PSTPIP1: variants seen among roughly 807,000 people sequenced by gnomAD.
The protein encoded by PSTPIP1 is proline-serine-threonine phosphatase interacting protein 1, also known as proline-serine-threonine phosphatase-interacting protein 1.
In PSTPIP1, 66 loss-of-function variants were observed where a neutral mutation model predicts 69.6. The ratio of observed to expected loss-of-function variants is 0.95; its 90% CI spans 0.78 to 1.16. The LOEUF is 1.16. Among genes scored for constraint, PSTPIP1 ranks in the 50% most tolerant of loss-of-function variants. PSTPIP1 has a pLI of 0.00. For missense variants in PSTPIP1, 603 were observed against 557.4 expected, an observed-to-expected ratio of 1.08 and a Z score of -0.82; for synonymous variants, 266 against 222.7, an observed-to-expected ratio of 1.19 and a Z score of -1.73.
At chr15:77,011,797 A>G (rs1435576779) in intron 1 of PSTPIP1, among the ~76,000 whole-genome samples, 1 of 152,122 alleles carries the variant, frequency 6.6e-6, no homozygotes, top group African/African-American at 2.4e-5. Flanking sequence ...TACAGACTGT[A>G]GTGATGGGCG....
chr15:77,011,763 C>T (rs995291569), intron 1 of PSTPIP1, among the ~76,000 whole-genome samples: 2 of 152,130 alleles, frequency 1.3e-5, no homozygotes, highest in Admixed American at 6.5e-5. Context: ...AGGCTTGAGT[C>T]CTCTCTGTGG....
At chr15:77,028,381 C>T (rs1350627963) in intron 6 of PSTPIP1, 173 bp from the exon 7 acceptor site, 3 of 569,696 alleles carry the variant, frequency 5.3e-6, no homozygotes, top group African/African-American at 1.9e-5. Context: ...GCAGCCCCCA[C>T]GCCTTCTCTA....
At position 77,037,356 on chromosome 15, in the gene PSTPIP1, T is replaced by C; in HGVS notation, c.*180T>C. ...TCCTTGGTGTGCTGGGGTCCCGTTC[T>C]CTTTTTCTCCTGCTCCAGTGTCCGA... On this transcript the variant is annotated 3_prime_UTR_variant, in exon 15 of 15. Coordinates refer to ENST00000558012, the MANE Select transcript of PSTPIP1 (RefSeq NM_003978.5). 1 of 778,644 alleles carries C rather than the reference T, an allele frequency of 1.3e-6. No homozygotes were observed. The highest frequency in any genetic ancestry group is 1.8e-5 in the African/African-American group (1 of 56,586). The allele number at this position is 778,644 out of a possible 1,614,324, so 48.2% of individuals were successfully genotyped here.
intron 1 of PSTPIP1, among the ~76,000 whole-genome samples, chr15:77,000,736 C>A (rs2075690155): frequency 6.6e-6 from 1 of 152,162 alleles, no homozygotes; most frequent in African/African-American, 2.4e-5. Flanking sequence ...GAGATGAGGT[C>A]TCCCTGTGTT....
chr15:77,025,230 T>TGTA, intron 3 of PSTPIP1, 54 bp from the exon 4 acceptor site: 1 of 1,552,484 alleles, frequency 6.4e-7, no homozygotes, highest in Non-Finnish European at 8.9e-7. Flanking sequence ...CAGCCTGGAC[T>TGTA]GTAGGTTCCC....
chr15:77,028,493 C>A, intron 6 of PSTPIP1, 61 bp from the exon 7 acceptor site: 1 of 1,409,134 alleles, frequency 7.1e-7, no homozygotes, highest in South Asian at 1.3e-5. Flanking sequence ...GGGAGCCTCA[C>A]TCCCGGGGAC....
In PSTPIP1 at chr15:77,037,441, ACT is replaced by A; in HGVS notation, c.*267_*268del. 3 of 356,732 alleles carry A rather than the reference ACT, an allele frequency of 8.4e-6. No individual in the cohort carries two copies. Among genetic ancestry groups the A allele is most frequent in the Non-Finnish European group, 1.6e-5 (3 of 191,058 alleles). 22.1% of individuals were successfully genotyped at this position (356,732 alleles called of 1,614,324 possible). On this transcript the variant is annotated 3_prime_UTR_variant, in exon 15 of 15. Transcript: ENST00000558012. ...AGGAGCCTGGATGTGGAGCTCCCCA[ACT>A]CAGCCGAGGCTTCAGCTATAGTTGG...
chr15:77,012,408 TCTAC>T (rs1568493000), intron 1 of PSTPIP1, among the ~76,000 whole-genome samples: 17 of 104,838 alleles, frequency 1.6e-4, no homozygotes, highest in Non-Finnish European at 7.5e-5. Context: ...CACCCACCCA[TCTAC>T]CCATCCACCC....
rs539635591 is a variant in PSTPIP1 at position 77,015,355 on chromosome 15, T to G, written c.37-2793T>G. Among the ~76,000 whole-genome samples, 9 of 152,264 alleles carry G rather than the reference T, an allele frequency of 5.9e-5. No individual in the cohort carries two copies. In the East Asian group the frequency reaches 1.7e-3, roughly 29 times the overall value. On this transcript the variant is annotated intron_variant, in intron 1 of 14. Transcript: ENST00000558012. ...AGTGGCTTTGGGCAGTCTCTTTCCC[T>G]GTTTGGGCCTCCTGTCCCCATCTTC...
At chr15:77,028,269 G>A in intron 6 of PSTPIP1, 1 of 498,254 alleles carries the variant, frequency 2.0e-6, no homozygotes, top group Admixed American at 3.6e-5. Flanking sequence ...GGCGAGGGGC[G>A]TGGCGAGGGG....
upstream of PSTPIP1, chr15:76,994,766 G>C (rs552273004): frequency 5.4e-6 from 7 of 1,289,104 alleles, no homozygotes; most frequent in East Asian, 3.9e-4. Context: ...GACCTGGTTT[G>C]GGTCCCAGAG....
Position 77,027,046 on chromosome 15 carries a change from GTGCCTACGCTCCCC to G in PSTPIP1, c.355-802_355-789del, listed in dbSNP as rs1358841861. Among the ~76,000 whole-genome samples the G allele has an allele frequency of 1.3e-5, 2 of 152,228 alleles. No individual in the cohort carries two copies. Among genetic ancestry groups the G allele is most frequent in the Non-Finnish European group, 2.9e-5 (2 of 68,032 alleles). ...CATGTGCTTACAGGATGGTGCACAC[GTGCCTACGCTCCCC>G]TGCATATGCCTGTGAGCATGTGTCC... On this transcript the variant is annotated intron_variant, in intron 5 of 14. Transcript: ENST00000558012. The surrounding 1 kb of genome is among the most constrained non-coding windows in gnomAD (Gnocchi z 4.3).
rs2076594847 is a variant in PSTPIP1, at chr15:77,037,026, C to T, written c.1120-19C>T. On this transcript the variant is annotated intron_variant, in intron 14 of 14. Transcript: ENST00000558012. ...CTGCAGGCCCTTCCAACGTCATGCG[C>T]TTTCAATCTCTTGGCCAGAACCCAG... The T allele has an allele frequency of 2.5e-6, 4 of 1,610,812 alleles. No individual in the cohort carries two copies. The highest frequency in any genetic ancestry group is 3.4e-6 in the Non-Finnish European group (4 of 1,178,838).
intron 7 of PSTPIP1, among the ~76,000 whole-genome samples, chr15:77,029,116 G>C (rs1245021313): frequency 6.6e-6 from 1 of 152,230 alleles, no homozygotes; most frequent in African/African-American, 2.4e-5. Context: ...CCAGAGTGGG[G>C]GTATCAGAGC....
chr15:77,014,002 G>A (rs993299898), intron 1 of PSTPIP1, among the ~76,000 whole-genome samples: 2 of 152,184 alleles, frequency 1.3e-5, no homozygotes, highest in Non-Finnish European at 2.9e-5. Context: ...TCTGGTCGGG[G>A]AGGTGGCAGG....
At chr15:77,035,441 C>A (rs2076536260) in intron 12 of PSTPIP1, 67 bp from the exon 13 acceptor site, 1 of 1,493,954 alleles carries the variant, frequency 6.7e-7, no homozygotes, top group Non-Finnish European at 9.1e-7. Context: ...CCTGTCTAAA[C>A]CCTCCCTCCT....
At chr15:77,001,334 C>A (rs1259422545) in intron 1 of PSTPIP1, among the ~76,000 whole-genome samples, 8 of 152,214 alleles carry the variant, frequency 5.3e-5, no homozygotes, top group African/African-American at 1.9e-4. Context: ...TTGGGATCCC[C>A]CATAGTCCTC....
At chr15:77,035,696 C>A in intron 13 of PSTPIP1, 106 bp from the exon 14 acceptor site, 1 of 1,481,262 alleles carries the variant, frequency 6.8e-7, no homozygotes, top group Non-Finnish European at 9.1e-7. Flanking sequence ...GTGTGGACAG[C>A]AGAAGGAAGA....
intron 12 of PSTPIP1, 121 bp from the exon 13 acceptor site, chr15:77,035,387 G>GCA: frequency 9.5e-7 from 1 of 1,049,654 alleles, no homozygotes; most frequent in Non-Finnish European, 1.4e-6. Context: ...GAGGCTAGGG[G>GCA]CAGTCCCAGC....
Sources: allele counts gnomAD v4.1 joint callset (sites outside exome capture counted in the v4.1 genomes callset), GRCh38; gene constraint gnomAD v4.1.1; non-coding constraint Gnocchi (gnomAD v3.1); transcripts MANE v1.5; gene names NCBI Gene and HGNC (gene_info 2026-07-23, HGNC 2026-07-21).